Variants in EVC2 observed in about 807,000 individuals in gnomAD.
EVC2 encodes EvC ciliary complex subunit 2.
EVC2 carries 148 observed loss-of-function variants against 149.3 expected under a neutral mutation model. The ratio of observed to expected loss-of-function variants is 0.99; its 90% CI spans 0.87 to 1.14. The LOEUF (loss-of-function observed/expected upper bound fraction) is 1.14, where lower values mean the gene tolerates loss of function less well. EVC2 is among the 50% of genes most tolerant of loss of function. The pLI is 0.00. For missense variants in EVC2, 1,854 were observed against 1,627.3 expected (o/e 1.14, Z -2.40); for synonymous variants, 776 against 649.9 (o/e 1.19, Z -2.95).
Position 5,694,496 on chromosome 4 carries a change from C to T in EVC2, c.289G>A (p.Ala97Thr), listed in dbSNP as rs1250509367. The change falls in exon 3 of 22, where the codon GCA (alanine) becomes ACA (threonine). Residue 97 changes from alanine to threonine, a missense_variant. By Grantham distance (58) the Ala-to-Thr change is moderately conservative (BLOSUM62 0). Transcript: ENST00000344408. The stretch of plus-strand genomic sequence containing the variant: ...TTGTCCAATTTCATTCCAAGTGGTG[C>T]TTCCACTGCAAAACAACAACACACC... Reference protein sequence around the residue: ...ECCHFKTAVEAPLGMKLDKKM... With the variant: ...ECCHFKTAVETPLGMKLDKKM... 3 of 1,614,068 alleles carry T rather than the reference C, an allele frequency of 1.9e-6. No individual in the cohort carries two copies. Among genetic ancestry groups the T allele is most frequent in the South Asian group, 1.1e-5 (1 of 91,080 alleles).
chr4:5,631,830 G>A lies in EVC2; in HGVS notation c.1673C>T (p.Ala558Val), dbSNP rs1472057052. The change falls in exon 11 of 22, where the codon GCA (alanine) becomes GTA (valine). Residue 558 changes from alanine to valine, a missense_variant. By Grantham distance (64) the Ala-to-Val change is moderately conservative (BLOSUM62 0). Transcript: ENST00000344408. Reference sequence around the variant, plus strand: ...ATAATTTTGCAGCAGCATTTTAGCTGCCTCTGGTTTCAATTCCCCTTTGAA... The same window carrying A: ...ATAATTTTGCAGCAGCATTTTAGCTACCTCTGGTTTCAATTCCCCTTTGAA... Reference protein sequence around the residue: ...AIFKGELKPEAAKMLLQNYSK... With the variant: ...AIFKGELKPEVAKMLLQNYSK... 6.2e-7 allele frequency: 1 copy of A among 1,614,164 alleles called. No homozygotes were observed. Among genetic ancestry groups the A allele is most frequent in the African/African-American group, 1.3e-5 (1 of 75,068 alleles).
At chr4:5,529,137 ACTCCT>A in the EVC2 span, among the ~76,000 whole-genome samples, 1 of 151,900 alleles carries the variant, frequency 6.6e-6, no homozygotes, top group Non-Finnish European at 1.5e-5. The surrounding 1 kb of genome is among the most constrained non-coding windows in gnomAD (Gnocchi z 4.5). Context: ...AATGGGGCAC[ACTCCT>A]CTCAGCCATC....
In EVC2 at chr4:5,697,050, T is replaced by C. The variant is rs1488480347; in HGVS notation, c.283+543A>G. 2.0e-5 allele frequency among the ~76,000 whole-genome samples: 3 copies of C among 152,202 alleles called. 1 individual carries two copies. In the East Asian group the frequency reaches 5.8e-4, roughly 29 times the overall value. On this transcript the variant is annotated intron_variant, in intron 2 of 21. Transcript: ENST00000344408. Reference sequence around the variant, plus strand: ...AAGTAACTACTGAGGCACGATGCCATGCTGCTAGCTTCCAAAATGGAGGAG... The same window carrying C: ...AAGTAACTACTGAGGCACGATGCCACGCTGCTAGCTTCCAAAATGGAGGAG...
At chr4:5,607,674 G>C (rs1048022118) in intron 16 of EVC2, among the ~76,000 whole-genome samples, 7 of 152,086 alleles carry the variant, frequency 4.6e-5, no homozygotes, top group African/African-American at 1.7e-4. Flanking sequence ...AAGTCTTTCT[G>C]AATTAGTTGC....
At chr4:5,646,776 C>T (rs1717752876) in intron 9 of EVC2, among the ~76,000 whole-genome samples, 1 of 152,158 alleles carries the variant, frequency 6.6e-6, no homozygotes, top group African/African-American at 2.4e-5. Flanking sequence ...CTTTAGTTAA[C>T]TCTTACTCAG....
At position 5,670,282 on chromosome 4, in the gene EVC2, A is replaced by C. The variant is rs1719554131; in HGVS notation, c.871-4633T>G. Among the ~76,000 whole-genome samples, 1 of 152,162 alleles carries C rather than the reference A, an allele frequency of 6.6e-6. No homozygotes were observed. The highest frequency in any genetic ancestry group is 2.1e-4 in the South Asian group (1 of 4,816). ...CACCATCATGATCAACATCTTCATTAACACCATCATGATCACCATCAGCAG... is the reference window on the plus strand; with the variant it reads ...CACCATCATGATCAACATCTTCATTCACACCATCATGATCACCATCAGCAG... On this transcript the variant is annotated intron_variant, in intron 7 of 21. Transcript: ENST00000344408. The surrounding 1 kb of genome is among the most constrained non-coding windows in gnomAD (Gnocchi z 5.2).
In EVC2 at chr4:5,640,468, C is replaced by T. The variant is rs745794854; in HGVS notation, c.1470+46G>A. The T allele has an allele frequency of 1.5e-5, 24 of 1,610,672 alleles. No individual in the cohort carries two copies. Among genetic ancestry groups the T allele is most frequent in the Non-Finnish European group, 2.0e-5 (23 of 1,177,170 alleles). On this transcript the variant is annotated intron_variant, in intron 10 of 21. Transcript: ENST00000344408. The surrounding 1 kb of genome is among the most constrained non-coding windows in gnomAD (Gnocchi z 4.6). ...TGGGTAGATGGATAAATGACAAATC[C>T]CTGAGAGAAAGGGAAGTGAACGCCT...
the EVC2 span, among the ~76,000 whole-genome samples, chr4:5,536,997 T>TAGTA: frequency 1.3e-5 from 2 of 152,132 alleles, no homozygotes; most frequent in Non-Finnish European, 2.9e-5. Flanking sequence ...AACAAACACA[T>TAGTA]AGTAATAAGG....
chr4:5,660,681 T>A (rs1718820984), intron 9 of EVC2, among the ~76,000 whole-genome samples: 1 of 152,218 alleles, frequency 6.6e-6, no homozygotes, highest in African/African-American at 2.4e-5. Context: ...ACCATAAGGA[T>A]GCATCCCCAT....
chr4:5,588,389 A>G (rs946887270), intron 16 of EVC2, among the ~76,000 whole-genome samples: 3 of 152,154 alleles, frequency 2.0e-5, no homozygotes, highest in Admixed American at 6.5e-5. Flanking sequence ...CAAGTTTCTT[A>G]TGCTTGGGAT....
rs551123381 is a variant in EVC2, at chr4:5,684,530, A to C, written c.816+840T>G. Among the ~76,000 whole-genome samples the C allele has an allele frequency of 3.4e-3, 525 of 152,270 alleles. 1 individual carries two copies. The highest frequency in any genetic ancestry group is 0.012 in the African/African-American group (509 of 41,544). On this transcript the variant is annotated intron_variant, in intron 6 of 21. Transcript: ENST00000344408. ...AAATGACAAAAGGAAGCAGAGCATC[A>C]TGATCTCCTTGAAGTCGGGGACCAC...
the EVC2 span, among the ~76,000 whole-genome samples, chr4:5,534,122 C>T: frequency 7.7e-6 from 1 of 130,060 alleles, no homozygotes; most frequent in African/African-American, 3.0e-5. Context: ...ATCAGCCTGG[C>T]TGCTCTGTGG....
At chr4:5,639,777 T>C (rs1042978020) in intron 10 of EVC2, among the ~76,000 whole-genome samples, 8 of 152,224 alleles carry the variant, frequency 5.3e-5, no homozygotes, top group Non-Finnish European at 1.0e-4. Flanking sequence ...TGCTCTGCTA[T>C]GAATGAAGCC....
chr4:5,539,481 A>C (rs1721474630), downstream of EVC2, among the ~76,000 whole-genome samples: 1 of 152,174 alleles, frequency 6.6e-6, no homozygotes, highest in Non-Finnish European at 1.5e-5. Flanking sequence ...AGCCAAAACA[A>C]CTTACTTTGC....
chr4:5,669,593 G>T (rs532425336), intron 7 of EVC2, among the ~76,000 whole-genome samples: 1 of 152,310 alleles, frequency 6.6e-6, no homozygotes, highest in East Asian at 1.9e-4. Flanking sequence ...GCCAGGAAAA[G>T]AACTCTCTCG....
At chr4:5,650,774 G>A (rs1718081591) in intron 9 of EVC2, among the ~76,000 whole-genome samples, 1 of 151,356 alleles carries the variant, frequency 6.6e-6, no homozygotes, top group African/African-American at 2.4e-5. Context: ...CTTTTTCAAA[G>A]TCATATAACT....
chr4:5,566,825 T>C (rs1430467674), intron 20 of EVC2, among the ~76,000 whole-genome samples: 1 of 152,036 alleles, frequency 6.6e-6, no homozygotes, highest in African/African-American at 2.4e-5. Flanking sequence ...ACAGGGGTGG[T>C]AGGCAGGCAG....
intron 6 of EVC2, among the ~76,000 whole-genome samples, chr4:5,684,432 C>T (rs746290851): frequency 6.6e-6 from 1 of 152,202 alleles, no homozygotes. Context: ...GGGGCAGTCA[C>T]AGTCATGCTA....
intron 9 of EVC2, among the ~76,000 whole-genome samples, chr4:5,654,528 A>G (rs370911346): frequency 7.9e-5 from 12 of 152,272 alleles, no homozygotes; most frequent in African/African-American, 2.9e-4. Context: ...CTTTCTTTGC[A>G]TTTCCAAGGG....
Sources: gnomAD v4.1 joint callset for allele counts (sites outside exome capture counted in the v4.1 genomes callset) on GRCh38, gnomAD v4.1.1 for gene constraint, Gnocchi (gnomAD v3.1) non-coding constraint, MANE v1.5 for transcripts, NCBI Gene and HGNC (gene_info 2026-07-23, HGNC 2026-07-21) for gene names.